The following DPP10 variants were observed in gnomAD, a reference collection of about 807,000 sequenced individuals.
DPP10 encodes the protein inactive dipeptidyl peptidase 10.
In DPP10, 33 loss-of-function variants were observed where a neutral mutation model predicts 120.9. The ratio of observed to expected loss-of-function variants is 0.27; its 90% CI spans 0.21 to 0.37. The LOEUF (loss-of-function observed/expected upper bound fraction) is 0.37, where lower values mean the gene tolerates loss of function less well. Ranked by LOEUF, DPP10 falls within the 10% of genes least tolerant of loss-of-function variation. The pLI is 1.00. For synonymous variants in DPP10, 337 were observed against 326.1 expected (o/e 1.03, Z -0.36); for missense variants, 816 against 942.8 (o/e 0.87, Z 1.76).
intron 2 of DPP10, among the ~76,000 whole-genome samples, chr2:115,336,454 G>A (rs1260481867): frequency 6.6e-6 from 1 of 151,704 alleles, no homozygotes; most frequent in African/African-American, 2.4e-5. Context: ...TTGGATTTTT[G>A]TGTCCCTATT....
chr2:114,556,429 G>A (rs1688321894), intron 1 of DPP10, among the ~76,000 whole-genome samples: 1 of 151,866 alleles, frequency 6.6e-6, no homozygotes, highest in Non-Finnish European at 1.5e-5. Flanking sequence ...GAAGAGTTGG[G>A]TGAATGTTGG....
intron 1 of DPP10, among the ~76,000 whole-genome samples, chr2:115,221,754 G>GTTTTTTTTTTTTTTTTT (rs56077672): frequency 1.7e-5 from 2 of 120,144 alleles, no homozygotes; most frequent in African/African-American, 6.6e-5. Flanking sequence ...GTTTGTTTCT[G>GTTTTTTTTTTTTTTTTT]TTTTTTTTTT....
chr2:115,373,452 C>A (rs2065559318), intron 3 of DPP10, among the ~76,000 whole-genome samples: 1 of 151,902 alleles, frequency 6.6e-6, no homozygotes, highest in Non-Finnish European at 1.5e-5. Flanking sequence ...TATATTGAAG[C>A]TTTGGAAATG....
chr2:115,564,922 C>G (rs1463483682), intron 5 of DPP10, among the ~76,000 whole-genome samples: 1 of 151,974 alleles, frequency 6.6e-6, no homozygotes, highest in Non-Finnish European at 1.5e-5. Flanking sequence ...TTAGACGTGG[C>G]CTTTGATGCT....
At chr2:114,505,850 C>T (rs1244669692) in intron 1 of DPP10, among the ~76,000 whole-genome samples, 1 of 152,196 alleles carries the variant, frequency 6.6e-6, no homozygotes. Flanking sequence ...CAAAACCGTA[C>T]AGTTTATCAT....
At chr2:115,158,915 T>C (rs1469934764) in intron 1 of DPP10, among the ~76,000 whole-genome samples, 1 of 152,050 alleles carries the variant, frequency 6.6e-6, no homozygotes, top group Admixed American at 6.6e-5. Flanking sequence ...CATGTAAAAC[T>C]AGAGAGCACT....
intron 1 of DPP10, among the ~76,000 whole-genome samples, chr2:115,066,987 T>C (rs561155902): frequency 1.3e-5 from 2 of 152,178 alleles, no homozygotes; most frequent in South Asian, 2.1e-4. Flanking sequence ...ATGATAGGTA[T>C]GGTCTATTGG....
intron 1 of DPP10, among the ~76,000 whole-genome samples, chr2:115,147,161 T>C (rs1559145919): frequency 6.6e-6 from 1 of 151,130 alleles, no homozygotes; most frequent in Non-Finnish European, 1.5e-5. Flanking sequence ...ATATACTATA[T>C]ATATGCATAT....
intron 1 of DPP10, among the ~76,000 whole-genome samples, chr2:114,818,965 C>T (rs1362757219): frequency 6.6e-6 from 1 of 152,072 alleles, no homozygotes; most frequent in Non-Finnish European, 1.5e-5. Flanking sequence ...TTTGAGTCTC[C>T]AAAATTACTA....
intron 5 of DPP10, among the ~76,000 whole-genome samples, chr2:115,684,172 T>C (rs1409239213): frequency 6.6e-6 from 1 of 151,856 alleles, no homozygotes; most frequent in African/African-American, 2.4e-5. Context: ...TCCTTTTCAA[T>C]CAATACTTGT....
At chr2:115,188,611 G>A (rs1394409301) in intron 1 of DPP10, among the ~76,000 whole-genome samples, 1 of 152,100 alleles carries the variant, frequency 6.6e-6, no homozygotes. Flanking sequence ...CTTATAAAAA[G>A]AGATATAGGA....
intron 24 of DPP10, among the ~76,000 whole-genome samples, chr2:115,836,987 A>G (rs966947245): frequency 3.3e-5 from 5 of 152,244 alleles, no homozygotes; most frequent in Non-Finnish European, 7.3e-5. Context: ...GAAATACTTT[A>G]TCAATGTTGC....
intron 1 of DPP10, among the ~76,000 whole-genome samples, chr2:115,182,905 A>T (rs2054171658): frequency 6.6e-6 from 1 of 152,096 alleles, no homozygotes; most frequent in Non-Finnish European, 1.5e-5. Context: ...GGATGTCCTG[A>T]GTGGTAAACT....
chr2:114,532,137 C>T (rs1300269937), intron 1 of DPP10, among the ~76,000 whole-genome samples: 1 of 151,046 alleles, frequency 6.6e-6, no homozygotes, highest in African/African-American at 2.4e-5. Flanking sequence ...AATTCTCAGG[C>T]CTTCAGACTC....
At chr2:114,879,131 ATTC>A (rs1691399232) in intron 1 of DPP10, among the ~76,000 whole-genome samples, 2 of 150,042 alleles carry the variant, frequency 1.3e-5, no homozygotes, top group Admixed American at 1.3e-4. Flanking sequence ...TCACAGGTAA[ATTC>A]TTTTTTTTTT....
chr2:115,770,918 A>G (rs927896225), intron 13 of DPP10, among the ~76,000 whole-genome samples: 1 of 152,126 alleles, frequency 6.6e-6, no homozygotes, highest in Non-Finnish European at 1.5e-5. Flanking sequence ...CATAATATAG[A>G]TTTGTAACAT....
intron 1 of DPP10, among the ~76,000 whole-genome samples, chr2:114,907,471 A>C (rs533945630): frequency 1.3e-5 from 2 of 152,110 alleles, no homozygotes; most frequent in African/African-American, 4.8e-5. Context: ...CTTTTGCTGC[A>C]TCTCATAGAA....
intron 1 of DPP10, among the ~76,000 whole-genome samples, chr2:115,068,250 ATAGCCATTC>A (rs1320440067): frequency 4.6e-5 from 7 of 151,584 alleles, no homozygotes; most frequent in Non-Finnish European, 1.0e-4. Context: ...CTTTTTGATA[ATAGCCATTC>A]TAGCCATTCT....
At chr2:115,506,580 A>T (rs2076952831) in intron 4 of DPP10, among the ~76,000 whole-genome samples, 2 of 152,048 alleles carry the variant, frequency 1.3e-5, no homozygotes, top group African/African-American at 4.8e-5. Flanking sequence ...TTAGTTTTTT[A>T]TATATATAAA....
Sources: allele counts gnomAD v4.1 joint callset (sites outside exome capture counted in the v4.1 genomes callset), GRCh38; gene constraint gnomAD v4.1.1; transcripts MANE v1.5; gene names NCBI Gene and HGNC (gene_info 2026-07-23, HGNC 2026-07-21).